Variants in KIF3A observed in about 807,000 individuals in gnomAD.
The protein encoded by KIF3A is kinesin family member 3A.
A neutral mutation model predicts 92.6 loss-of-function variants in KIF3A; 27 were observed. The observed-to-expected ratio is 0.29, with a 90% confidence interval of 0.21 to 0.40. KIF3A has a LOEUF of 0.40. Ranked by LOEUF, KIF3A falls within the 10% of genes least tolerant of loss-of-function variation. The pLI is 1.00. For synonymous variants in KIF3A, 250 were observed against 275.4 expected (o/e 0.91, Z 0.92); for missense variants, 581 against 872.6 (o/e 0.67, Z 4.21).
chr5:132,716,016 T>C (rs773770461), intron 7 of KIF3A, 85 bp from the exon 8 acceptor site: 17 of 1,057,010 alleles, frequency 1.6e-5, no homozygotes, highest in Non-Finnish European at 2.2e-5. Flanking sequence ...ATCAAAAACA[T>C]TTAAAGCACA....
intron 9 of KIF3A, among the ~76,000 whole-genome samples, chr5:132,709,808 A>C (rs1026622816): frequency 6.6e-6 from 1 of 152,174 alleles, no homozygotes; most frequent in African/African-American, 2.4e-5. Context: ...GTTTTAATAA[A>C]ATTTTATTTA....
At chr5:132,724,471 T>G (rs1246283727) in intron 4 of KIF3A, among the ~76,000 whole-genome samples, 1 of 151,912 alleles carries the variant, frequency 6.6e-6, no homozygotes, top group Non-Finnish European at 1.5e-5. Context: ...CCATAAAAAA[T>G]GATGAGTTCA....
chr5:132,715,864 C>T lies in KIF3A; in HGVS notation c.1022G>A (p.Arg341His), dbSNP rs754855003. Residue 341 changes from arginine to histidine, a missense_variant, in exon 8 of 19, where the codon CGT (arginine) becomes CAT (histidine). By Grantham distance (29) the Arg-to-His change is conservative. Coordinates refer to ENST00000403231, the MANE Select transcript of KIF3A (RefSeq NM_001300791.2). ...ETISTLRYAN[R>H]AKNIKNKARI... ...AGCTTTATTTTTAATATTCTTAGCA[C>T]GATTGGCATACCGTAATGTACTGAT... The T allele has an allele frequency of 3.7e-6, 6 of 1,609,220 alleles. No homozygotes were observed. The highest frequency in any genetic ancestry group is 1.3e-5 in the African/African-American group (1 of 74,786).
At chr5:132,713,810 A>G (rs1384629937) in intron 8 of KIF3A, among the ~76,000 whole-genome samples, 1 of 152,124 alleles carries the variant, frequency 6.6e-6, no homozygotes, top group Non-Finnish European at 1.5e-5. Context: ...GATACATTCT[A>G]CAACACGGAT....
intron 8 of KIF3A, among the ~76,000 whole-genome samples, chr5:132,713,417 C>T (rs1055805366): frequency 6.6e-6 from 1 of 152,064 alleles, no homozygotes; most frequent in African/African-American, 2.4e-5. Context: ...AGGAACTCTC[C>T]ATATCATGTT....
chr5:132,730,472 AAG>A (rs1754189732), intron 2 of KIF3A, among the ~76,000 whole-genome samples: 1 of 126,004 alleles, frequency 7.9e-6, no homozygotes, highest in Non-Finnish European at 1.5e-5. Context: ...GTCTCAAAAA[AAG>A]AAAAAAAAAA....
intron 2 of KIF3A, among the ~76,000 whole-genome samples, chr5:132,729,172 T>C (rs997831402): frequency 1.3e-5 from 2 of 151,746 alleles, no homozygotes; most frequent in African/African-American, 4.8e-5. Context: ...ACACATTGGG[T>C]ACAGTGTACA....
At chr5:132,697,687 G>A (rs537580581) in intron 18 of KIF3A, 1 of 152,080 alleles carries the variant, frequency 6.6e-6, no homozygotes, top group Non-Finnish European at 1.5e-5. Flanking sequence ...ATGGTGGCAG[G>A]TGCCAGTAAT....
intron 5 of KIF3A, 121 bp from the exon 6 acceptor site, chr5:132,717,105 TA>T: frequency 1.1e-6 from 1 of 911,628 alleles, no homozygotes; most frequent in Non-Finnish European, 1.7e-6. Context: ...AGAGCATGGC[TA>T]AACCATAAAG....
In KIF3A at chr5:132,713,889, C is replaced by CTTTTTT. The variant is rs34191042; in HGVS notation, c.1129+1862_1129+1867dup. 5.7e-3 allele frequency among the ~76,000 whole-genome samples: 474 copies of CTTTTTT among 83,698 alleles called. 2 individuals are homozygous for CTTTTTT. Among genetic ancestry groups the CTTTTTT allele is most frequent in the Non-Finnish European group, 7.0e-3 (321 of 45,882 alleles). The allele number at this position is 83,698 out of a possible 152,430, so 54.9% of individuals were successfully genotyped here. ...AAAGACAAATGCTGTATTTCACTTT[C>CTTTTTT]TTTTTTTTTTTTTTTTTTTTTTTTG... is the stretch of plus-strand genomic sequence containing the variant. On this transcript the variant is annotated intron_variant, in intron 8 of 18. Transcript: ENST00000403231.
intron 8 of KIF3A, among the ~76,000 whole-genome samples, chr5:132,711,325 C>A (rs977981990): frequency 6.6e-6 from 1 of 152,172 alleles, no homozygotes; most frequent in Non-Finnish European, 1.5e-5. Flanking sequence ...GGCAAGGTGG[C>A]GCACGCCTGT....
In KIF3A at chr5:132,737,469, A is replaced by G. The variant is rs772340115; in HGVS notation, c.-50T>C. On this transcript the variant is annotated 5_prime_UTR_variant, in exon 1 of 19. Transcript: ENST00000403231. The stretch of plus-strand genomic sequence containing the variant: ...GACGTCCCCGCCCGGGGTGCAGCCC[A>G]GCGACACCGGGTGCGCAGAAAGGAT... 2 of 1,594,766 alleles carry G rather than the reference A, an allele frequency of 1.3e-6. No individual in the cohort carries two copies. The highest frequency in any genetic ancestry group is 2.3e-5 in the East Asian group (1 of 42,732).
chr5:132,730,884 T>C (rs1484168357), intron 2 of KIF3A, among the ~76,000 whole-genome samples: 1 of 151,998 alleles, frequency 6.6e-6, no homozygotes, highest in Non-Finnish European at 1.5e-5. Context: ...GGTGGGAGGA[T>C]TGCTTAAGGC....
intron 8 of KIF3A, among the ~76,000 whole-genome samples, chr5:132,712,392 C>T (rs1753458689): frequency 6.6e-6 from 1 of 151,962 alleles, no homozygotes; most frequent in Non-Finnish European, 1.5e-5. Flanking sequence ...ATTCAATGAA[C>T]AAAATAAATA....
chr5:132,700,781 T>G, intron 15 of KIF3A, 81 bp from the exon 16 acceptor site: 1 of 804,426 alleles, frequency 1.2e-6, no homozygotes, highest in South Asian at 1.5e-5. Flanking sequence ...AAAATCTTAA[T>G]AACATTGAGT....
At chr5:132,699,534 T>C (rs1477939843) in intron 17 of KIF3A, 1 of 570,050 alleles carries the variant, frequency 1.8e-6, no homozygotes, top group African/African-American at 1.9e-5. Context: ...TTGCTGTTTT[T>C]CTTAAAGCTG....
intron 5 of KIF3A, among the ~76,000 whole-genome samples, chr5:132,719,853 G>A (rs914869391): frequency 6.6e-6 from 1 of 152,008 alleles, no homozygotes; most frequent in African/African-American, 2.4e-5. Context: ...GTATAATATC[G>A]CTGAAGCTTC....
chr5:132,715,176 A>T (rs1305660172), intron 8 of KIF3A, among the ~76,000 whole-genome samples: 3 of 152,232 alleles, frequency 2.0e-5, no homozygotes, highest in African/African-American at 7.2e-5. Flanking sequence ...CTCACTCAGC[A>T]CTTAATGACT....
Position 132,734,496 on chromosome 5 carries a change from T to G in KIF3A, c.7-18A>C. ...TTATTGATCTGTTGGAGATAATATT[T>G]ACAAATAATGAAAAGAACATTAATT... is the stretch of plus-strand genomic sequence containing the variant. On this transcript the variant is annotated intron_variant, in intron 1 of 18. Transcript: ENST00000403231. 1 of 1,575,158 alleles carries G rather than the reference T, an allele frequency of 6.3e-7. No individual in the cohort carries two copies. The highest frequency in any genetic ancestry group is 8.6e-7 in the Non-Finnish European group (1 of 1,165,254).
Sources: gnomAD v4.1 joint callset for allele counts (sites outside exome capture counted in the v4.1 genomes callset) on GRCh38, gnomAD v4.1.1 for gene constraint, MANE v1.5 for transcripts, NCBI Gene and HGNC (gene_info 2026-07-23, HGNC 2026-07-21) for gene names.